Variants in UNC93B1 observed in about 807,000 individuals in gnomAD.
UNC93B1 encodes unc-93B1 regulator of TLR signaling.
A neutral mutation model predicts 56.8 loss-of-function variants in UNC93B1; 33 were observed. That is an observed-to-expected ratio of 0.58 (90% CI 0.44 to 0.78). The LOEUF is 0.78. Among genes scored for constraint, UNC93B1 ranks in the 30% least tolerant of loss-of-function variants. The pLI is 0.00. For synonymous variants in UNC93B1, 334 were observed against 358.6 expected (o/e 0.93, Z 0.77); for missense variants, 673 against 819.5 (o/e 0.82, Z 2.18).
In UNC93B1 at chr11:68,003,870, C is replaced by G; in HGVS notation, c.97-72G>C. 7.7e-7 allele frequency: 1 copy of G among 1,295,316 alleles called. No individual in the cohort carries two copies. The highest frequency in any genetic ancestry group is 9.7e-7 in the Non-Finnish European group (1 of 1,028,088). 80.2% of individuals were successfully genotyped at this position (1,295,316 alleles called of 1,614,324 possible). A position where few individuals can be genotyped will look rare whatever the true frequency, so the allele number is the denominator to read the frequency against. On this transcript the variant is annotated intron_variant, in intron 1 of 10. Transcript: ENST00000227471. This position sits in a 1 kb window ranked among gnomAD's most constrained non-coding sequence, Gnocchi z 4.4. ...CGTGTCCCCCGGTGCCCGCCGCCCCCCGGCCCGCCCCGCCCCCGCCGGGGG... is the reference window on the plus strand; with the variant it reads ...CGTGTCCCCCGGTGCCCGCCGCCCCGCGGCCCGCCCCGCCCCCGCCGGGGG...
chr11:67,993,706 G>T lies in UNC93B1; in HGVS notation c.1452C>A (p.Thr484=), dbSNP rs762916919. ...TGTGCAGGCTCGAGCCCAGGTACAC[G>T]GTGAAGATGGCCACAGCCTGCCACC... ...YHWWQAVAIF[T]VYLGSSLHMK... The change falls in exon 10 of 11, where the codon ACC becomes ACA. Residue 484 remains threonine, a synonymous_variant. Transcript: ENST00000227471. 18 of 1,262,764 alleles carry T rather than the reference G, an allele frequency of 1.4e-5. No individual in the cohort carries two copies. The highest frequency in any genetic ancestry group is 2.0e-5 in the Admixed American group (1 of 50,716). The allele number at this position is 1,262,764 out of a possible 1,614,324, so 78.2% of individuals were successfully genotyped here.
Position 68,003,815 on chromosome 11 carries a change from C to T in UNC93B1, c.97-17G>A. ...CTCGTCCAGCTGCGAGCCACGCACG[C>T]CGCTCGCACCCGCGATCGCGCCCCG... On this transcript the variant is annotated splice_polypyrimidine_tract_variant and intron_variant, in intron 1 of 10. Transcript: ENST00000227471. The surrounding 1 kb of genome is among the most constrained non-coding windows in gnomAD (Gnocchi z 4.4). The T allele has an allele frequency of 6.9e-7, 1 of 1,459,226 alleles. No homozygotes were observed. The highest frequency in any genetic ancestry group is 9.0e-7 in the Non-Finnish European group (1 of 1,109,206). The allele number at this position is 1,459,226 out of a possible 1,614,324, so 90.4% of individuals were successfully genotyped here.
At chr11:67,998,503 G>T in intron 5 of UNC93B1, 51 bp from the exon 6 acceptor site, 1 of 1,585,430 alleles carries the variant, frequency 6.3e-7, no homozygotes, top group South Asian at 1.1e-5. Context: ...AGCCAGGCAA[G>T]GGACACAGGC....
chr11:68,000,854 A>G (rs1198942091), intron 3 of UNC93B1, among the ~76,000 whole-genome samples: 1 of 152,064 alleles, frequency 6.6e-6, no homozygotes, highest in Non-Finnish European at 1.5e-5. Context: ...CATGTCTAAG[A>G]CTGGAGCAGC....
At chr11:67,996,454 A>G in intron 8 of UNC93B1, 148 bp downstream of exon 8, 1 of 1,146,930 alleles carries the variant, frequency 8.7e-7, no homozygotes, top group Non-Finnish European at 1.2e-6. Context: ...CGGGGGTAAG[A>G]GAGGGAAGAG....
At chr11:67,997,363 CTCAG>C (rs1037479841) in intron 7 of UNC93B1, among the ~76,000 whole-genome samples, 68 of 152,328 alleles carry the variant, frequency 4.5e-4, no homozygotes, top group African/African-American at 1.5e-3. Flanking sequence ...CCTCACAGGT[CTCAG>C]TCAGTCTTCT....
chr11:67,994,294 C>T (rs1195155926), intron 9 of UNC93B1, among the ~76,000 whole-genome samples: 3 of 152,178 alleles, frequency 2.0e-5, no homozygotes, highest in Non-Finnish European at 4.4e-5. Context: ...AGAAGATGCA[C>T]GCTCGTTCTC....
At chr11:67,999,802 G>A in intron 3 of UNC93B1, 122 bp from the exon 4 acceptor site, 1 of 1,325,662 alleles carries the variant, frequency 7.5e-7, no homozygotes. Flanking sequence ...GAGAGTCGAG[G>A]GCACTGAGAT....
Position 68,003,412 on chromosome 11 carries a change from G to T in UNC93B1, c.239-237C>A. 1.2e-6 allele frequency: 1 copy of T among 808,090 alleles called. No homozygotes were observed. Among genetic ancestry groups the T allele is most frequent in the Non-Finnish European group, 1.8e-6 (1 of 543,814 alleles). 50.1% of individuals were successfully genotyped at this position (808,090 alleles called of 1,614,324 possible). ...TGCTCCGCCGGCCTCCAATTCTGAC[G>T]GTGGCAGGTCTGTCCGGGAGCCCGG... is the stretch of plus-strand genomic sequence containing the variant. On this transcript the variant is annotated intron_variant, in intron 2 of 10. Coordinates refer to ENST00000227471, the MANE Select transcript of UNC93B1 (RefSeq NM_030930.4). This position sits in a 1 kb window ranked among gnomAD's most constrained non-coding sequence, Gnocchi z 4.4.
intron 9 of UNC93B1, 134 bp downstream of exon 9, chr11:67,995,477 T>G (rs1355726558): frequency 9.2e-6 from 7 of 759,142 alleles, no homozygotes; most frequent in Non-Finnish European, 1.4e-5. Context: ...GCCTCTGCCA[T>G]GTCCACAGGA....
chr11:67,999,041 A>G lies in UNC93B1; in HGVS notation c.687+132T>C, dbSNP rs1383621071. ...AGGAGTTCAAAGCCATCTGGGCAAC[A>G]TAGTGAGACCAGGCCTCTTAAAAAT... On this transcript the variant is annotated intron_variant, in intron 5 of 10. Transcript: ENST00000227471. 5 of 1,403,636 alleles carry G rather than the reference A, an allele frequency of 3.6e-6. No individual in the cohort carries two copies. In the East Asian group the frequency reaches 1.2e-4, roughly 34 times the overall value. The allele number at this position is 1,403,636 out of a possible 1,614,324, so 86.9% of individuals were successfully genotyped here.
chr11:67,999,757 C>T (rs931153984), intron 3 of UNC93B1, 77 bp from the exon 4 acceptor site: 22 of 1,536,498 alleles, frequency 1.4e-5, no homozygotes, highest in East Asian at 1.2e-4. Context: ...GGGCCACAAC[C>T]GCAGGTCCCA....
chr11:67,995,571 G>GA, intron 9 of UNC93B1, 40 bp downstream of exon 9: 2 of 178,204 alleles, frequency 1.1e-5, no homozygotes, highest in Non-Finnish European at 1.9e-5. Flanking sequence ...AAAGCCCCCT[G>GA]CCCCGCCCCC....
chr11:68,003,882 G>T lies in UNC93B1; in HGVS notation c.96+66C>A, dbSNP rs1431562823. The stretch of plus-strand genomic sequence containing the variant: ...TGCCCGCCGCCCCCCGGCCCGCCCC[G>T]CCCCCGCCGGGGGGACCCTGGCCCA... On this transcript the variant is annotated intron_variant, in intron 1 of 10. Transcript: ENST00000227471. This position sits in a 1 kb window ranked among gnomAD's most constrained non-coding sequence, Gnocchi z 4.4. 1.7e-5 allele frequency: 22 copies of T among 1,278,140 alleles called. No individual in the cohort carries two copies. The African/African-American group carries it at 3.2e-4, about 18-fold the overall frequency. 79.2% of individuals were successfully genotyped at this position (1,278,140 alleles called of 1,614,324 possible).
At chr11:67,994,789 T>C (rs2079360) in intron 9 of UNC93B1, among the ~76,000 whole-genome samples, 135 of 152,354 alleles carry the variant, frequency 8.9e-4, no homozygotes, top group African/African-American at 2.8e-3. Flanking sequence ...TGACCTCGGC[T>C]ACTCCACACC....
chr11:67,994,014 G>T (rs10459020), intron 9 of UNC93B1, among the ~76,000 whole-genome samples: 34 of 152,230 alleles, frequency 2.2e-4, no homozygotes, highest in African/African-American at 7.5e-4. Context: ...CAGGTGCCTC[G>T]GGCTGTGTGG....
At chr11:67,994,170 A>T (rs1381041175) in intron 9 of UNC93B1, among the ~76,000 whole-genome samples, 3 of 152,206 alleles carry the variant, frequency 2.0e-5, no homozygotes, top group Non-Finnish European at 4.4e-5. Context: ...GAGAGATCGA[A>T]CTGTTTGCAG....
chr11:67,998,439 C>T lies in UNC93B1; in HGVS notation c.701G>A (p.Cys234Tyr), dbSNP rs1297208445. Residue 234 changes from cysteine to tyrosine, a missense_variant, in exon 6 of 11, where the codon TGC becomes TAC. Physicochemically the swap from Cys to Tyr is radical, Grantham distance 194. Transcript: ENST00000227471. ...GAAATAAATCATGGGCAGCTGGGCGCAGGCGAAGCTCAGCTGCAGAAACAA... is the reference window on the plus strand; with the variant it reads ...GAAATAAATCATGGGCAGCTGGGCGTAGGCGAAGCTCAGCTGCAGAAACAA... The part of the protein sequence containing the change: ...FYSFFHLSFA[C>Y]AQLPMIYFLN... 1 of 1,613,906 alleles carries T rather than the reference C, an allele frequency of 6.2e-7. No individual in the cohort carries two copies. The highest frequency in any genetic ancestry group is 1.1e-5 in the South Asian group (1 of 91,088).
intron 5 of UNC93B1, among the ~76,000 whole-genome samples, chr11:67,998,734 C>G (rs1856994312): frequency 6.6e-6 from 1 of 151,878 alleles, no homozygotes; most frequent in Non-Finnish European, 1.5e-5. Context: ...CCTATCTCTA[C>G]AAAAAATAAA....
Sources: gnomAD v4.1 joint callset for allele counts (sites outside exome capture counted in the v4.1 genomes callset) on GRCh38, gnomAD v4.1.1 for gene constraint, Gnocchi (gnomAD v3.1) non-coding constraint, MANE v1.5 for transcripts, NCBI Gene and HGNC (gene_info 2026-07-23, HGNC 2026-07-21) for gene names.